Variants in RGS7 observed in about 807,000 individuals in gnomAD.
RGS7 encodes the protein regulator of G protein signaling 7, also known as regulator of G-protein signaling 7.
RGS7 carries 27 observed loss-of-function variants against 81.1 expected under a neutral mutation model. That is an observed-to-expected ratio of 0.33 (90% confidence interval 0.25 to 0.46). The LOEUF (loss-of-function observed/expected upper bound fraction) is 0.46. Among genes scored for constraint, RGS7 ranks in the 20% least tolerant of loss-of-function variants. The pLI, the probability that RGS7 is intolerant of heterozygous loss-of-function variation, is 1.00. For missense variants in RGS7, 396 were observed against 607.4 expected (o/e 0.65, Z 3.66); for synonymous variants, 208 against 207.7 (o/e 1.00, Z -0.01).
At chr1:241,153,465 GA>G (rs113677634) in intron 2 of RGS7, among the ~76,000 whole-genome samples, 213 of 145,444 alleles carry the variant, frequency 1.5e-3, no homozygotes, top group South Asian at 3.9e-3. Flanking sequence ...CAGATGATTT[GA>G]AAAAAAAAAA....
At chr1:241,304,224 C>A (rs547920054) in intron 2 of RGS7, among the ~76,000 whole-genome samples, 1 of 152,142 alleles carries the variant, frequency 6.6e-6, no homozygotes, top group Admixed American at 6.5e-5. Flanking sequence ...CAAGCCTGTG[C>A]CTAATTTATA....
At chr1:241,295,612 T>C (rs2079378051) in intron 2 of RGS7, among the ~76,000 whole-genome samples, 1 of 152,134 alleles carries the variant, frequency 6.6e-6, no homozygotes, top group Non-Finnish European at 1.5e-5. Context: ...CTGGGATGTG[T>C]GAGAGCAAAG....
chr1:241,209,861 G>GA (rs1379281077), intron 2 of RGS7, among the ~76,000 whole-genome samples: 6 of 151,620 alleles, frequency 4.0e-5, no homozygotes, highest in African/African-American at 1.5e-4. Context: ...ATAAAATAAA[G>GA]AAAATTAAAA....
rs546517363 is a variant in RGS7 at position 241,045,879 on chromosome 1, A to C, written c.175+52787T>G. Among the ~76,000 whole-genome samples the C allele has an allele frequency of 4.7e-4, 71 of 152,192 alleles. 2 individuals carry two copies. Among genetic ancestry groups the C allele is most frequent in the African/African-American group, 1.7e-3 (70 of 41,518 alleles). On this transcript the variant is annotated intron_variant, in intron 3 of 18. Transcript: ENST00000440928. Reference sequence around the variant, plus strand: ...TTCAGGGAAGGCAAAGGGGCCCTGGAGTTCTATTCAGGGGATTCCTCTCTT... The same window carrying C: ...TTCAGGGAAGGCAAAGGGGCCCTGGCGTTCTATTCAGGGGATTCCTCTCTT...
chr1:241,122,454 G>A (rs1379868553), intron 2 of RGS7, among the ~76,000 whole-genome samples: 1 of 152,066 alleles, frequency 6.6e-6, no homozygotes, highest in Admixed American at 6.5e-5. Context: ...CCTGAGATCA[G>A]GGGTTTGAGA....
At chr1:241,166,096 G>A (rs987447441) in intron 2 of RGS7, among the ~76,000 whole-genome samples, 7 of 152,146 alleles carry the variant, frequency 4.6e-5, no homozygotes, top group African/African-American at 1.7e-4. Context: ...TGGGGGTGGG[G>A]AACAGGGGTA....
At chr1:241,030,371 TATACATACACAC>T in intron 3 of RGS7, among the ~76,000 whole-genome samples, 1 of 125,906 alleles carries the variant, frequency 7.9e-6, no homozygotes, top group Non-Finnish European at 1.7e-5. Context: ...CATATATATA[TATACATACACAC>T]ATACATACAC....
chr1:241,145,628 C>G (rs2068258025), intron 2 of RGS7, among the ~76,000 whole-genome samples: 2 of 152,106 alleles, frequency 1.3e-5, no homozygotes, highest in African/African-American at 4.8e-5. Flanking sequence ...GCCTGCAATC[C>G]CAGCTACTTT....
chr1:241,038,837 T>G (rs887804528), intron 3 of RGS7, among the ~76,000 whole-genome samples: 3 of 152,004 alleles, frequency 2.0e-5, no homozygotes, highest in Non-Finnish European at 1.5e-5. Context: ...TAGTAGGGCA[T>G]GCATTTGTAG....
chr1:241,265,843 G>A (rs1254076850), intron 2 of RGS7, among the ~76,000 whole-genome samples: 3 of 136,922 alleles, frequency 2.2e-5, no homozygotes, highest in African/African-American at 5.5e-5. Context: ...TGCCCAGGCT[G>A]GAATGCAACG....
chr1:241,030,258 AT>A (rs774159397), intron 3 of RGS7, among the ~76,000 whole-genome samples: 2 of 151,464 alleles, frequency 1.3e-5, no homozygotes, highest in Non-Finnish European at 2.9e-5. Flanking sequence ...GGCTGTTGAG[AT>A]ACAATAGGTG....
At chr1:241,124,275 G>C (rs2066497665) in intron 2 of RGS7, among the ~76,000 whole-genome samples, 1 of 151,780 alleles carries the variant, frequency 6.6e-6, no homozygotes, top group Admixed American at 6.6e-5. Flanking sequence ...CACGCCTATA[G>C]TCCCAGCTAC....
At chr1:241,320,913 C>T (rs962616369) in intron 2 of RGS7, among the ~76,000 whole-genome samples, 5 of 152,176 alleles carry the variant, frequency 3.3e-5, no homozygotes, top group Admixed American at 6.5e-5. Flanking sequence ...TTAATAAAGG[C>T]TGCACTGGAC....
chr1:240,878,395 A>G (rs369938968), intron 6 of RGS7, among the ~76,000 whole-genome samples: 39 of 152,168 alleles, frequency 2.6e-4, no homozygotes, highest in African/African-American at 8.9e-4. Context: ...CCTGGCACAT[A>G]GTAGATGCTC....
At chr1:241,148,169 G>T (rs2103117184) in intron 2 of RGS7, among the ~76,000 whole-genome samples, 1 of 148,966 alleles carries the variant, frequency 6.7e-6, no homozygotes, top group African/African-American at 2.5e-5. Flanking sequence ...TCCTGCCTCA[G>T]CCTCCCAAGT....
chr1:240,940,032 A>C (rs1034871825), intron 4 of RGS7, among the ~76,000 whole-genome samples: 4 of 152,188 alleles, frequency 2.6e-5, no homozygotes, highest in Non-Finnish European at 5.9e-5. Context: ...GTTAGCAGAG[A>C]TCACGCCACT....
intron 3 of RGS7, among the ~76,000 whole-genome samples, chr1:241,048,865 C>T (rs916942238): frequency 9.2e-5 from 14 of 152,174 alleles, no homozygotes; most frequent in African/African-American, 2.9e-4. Flanking sequence ...GATGTGTTAA[C>T]GGGACCACAC....
rs1393275630 is a variant in RGS7 at position 240,868,084 on chromosome 1, AAAAG to A, written c.609+499_609+502del. On this transcript the variant is annotated intron_variant, in intron 9 of 18. Coordinates refer to ENST00000440928, the MANE Select transcript of RGS7 (RefSeq NM_001364886.1). This position sits in a 1 kb window ranked among gnomAD's most constrained non-coding sequence, Gnocchi z 5.1. ...GAAAAGAAGAGAAAAGAAAGAAAGAAAAAGAAAGAAAAGAAAAAGAAAGAAAAGA... is the reference window on the plus strand; with the variant it reads ...GAAAAGAAGAGAAAAGAAAGAAAGAAAAAGAAAAGAAAAAGAAAGAAAAGA... Among the ~76,000 whole-genome samples, 10 of 149,634 alleles carry A rather than the reference AAAAG, an allele frequency of 6.7e-5. No homozygotes were observed. The highest frequency in any genetic ancestry group is 1.9e-4 in the East Asian group (1 of 5,154).
intron 6 of RGS7, among the ~76,000 whole-genome samples, chr1:240,881,680 C>T (rs1040262335): frequency 6.6e-6 from 1 of 152,044 alleles, no homozygotes; most frequent in African/African-American, 2.4e-5. Flanking sequence ...TATGACTCAA[C>T]AGCAACTGAA....
Sources: gnomAD v4.1 joint callset for allele counts (sites outside exome capture counted in the v4.1 genomes callset) on GRCh38, gnomAD v4.1.1 for gene constraint, Gnocchi (gnomAD v3.1) non-coding constraint, MANE v1.5 for transcripts, NCBI Gene and HGNC (gene_info 2026-07-23, HGNC 2026-07-21) for gene names.